The following FRY variants were observed in gnomAD, a reference collection of about 807,000 sequenced individuals.
The protein encoded by FRY is FRY microtubule binding protein.
FRY carries 128 observed loss-of-function variants against 348.4 expected under a neutral mutation model. That is an observed-to-expected ratio of 0.37 (90% CI 0.32 to 0.43). The LOEUF (loss-of-function observed/expected upper bound fraction) is 0.43. Ranked by LOEUF, FRY falls within the 20% of genes least tolerant of loss-of-function variation. FRY has a pLI of 1.00. For synonymous variants in FRY, 1,370 were observed against 1,374.7 expected (o/e 1.00, Z 0.08); for missense variants, 2,736 against 3,695.2 (o/e 0.74, Z 6.73).
intron 4 of FRY, among the ~76,000 whole-genome samples, chr13:32,121,664 G>A (rs1376551859): frequency 6.6e-6 from 1 of 152,116 alleles, no homozygotes; most frequent in African/African-American, 2.4e-5. Flanking sequence ...ATTCATTTTA[G>A]ATTCTAGATA....
In FRY at chr13:32,228,480, A is replaced by G; in HGVS notation, c.5231A>G (p.Asp1744Gly). ...YTGGFDFLREDQSSPVPDSGL... is the reference protein window; with the variant it reads ...YTGGFDFLREGQSSPVPDSGL... ...GGTGGCTTTGACTTCCTGAGAGAGGACCAGTCATCCCCGGTGCCTGACTCA... is the reference window on the plus strand; with the variant it reads ...GGTGGCTTTGACTTCCTGAGAGAGGGCCAGTCATCCCCGGTGCCTGACTCA... The change falls in exon 40 of 61, where the codon GAC (aspartate) becomes GGC (glycine). Residue 1744 changes from aspartate (D) to glycine (G), a missense_variant. Physicochemically the swap from Asp to Gly is moderately conservative, Grantham distance 94 (BLOSUM62 -1). Transcript: ENST00000542859. 1 of 1,612,420 alleles carries G rather than the reference A, an allele frequency of 6.2e-7. No homozygotes were observed. The highest frequency in any genetic ancestry group is 8.5e-7 in the Non-Finnish European group (1 of 1,179,726).
At chr13:32,214,727 A>G (rs1884884560) in intron 35 of FRY, among the ~76,000 whole-genome samples, 1 of 152,174 alleles carries the variant, frequency 6.6e-6, no homozygotes, top group African/African-American at 2.4e-5. Flanking sequence ...ATCTTGGAGG[A>G]CAGCAATTTA....
intron 7 of FRY, 32 bp from the exon 8 acceptor site, chr13:32,131,640 T>C (rs780512527): frequency 2.1e-5 from 33 of 1,566,526 alleles, no homozygotes; most frequent in Non-Finnish European, 2.9e-5. Context: ...TCCTACCCAA[T>C]ATTTGATAAA....
chr13:32,165,305 A>G (rs1364862292), intron 17 of FRY, among the ~76,000 whole-genome samples: 1 of 152,188 alleles, frequency 6.6e-6, no homozygotes, highest in East Asian at 1.9e-4. Flanking sequence ...TCCCTTTTCC[A>G]CATATGCCTG....
chr13:32,118,568 G>T lies in FRY; in HGVS notation c.464+1095G>T, dbSNP rs1325695066. Among the ~76,000 whole-genome samples, 3 of 151,902 alleles carry T rather than the reference G, an allele frequency of 2.0e-5. No individual in the cohort carries two copies. In the East Asian group the frequency reaches 5.8e-4, roughly 29 times the overall value. On this transcript the variant is annotated intron_variant, in intron 4 of 60. Transcript: ENST00000542859. ...GAGAGATTAATAACTTTTTCGTATT[G>T]AATTTTTTTTAGTGAAGAAGGAAAT...
In FRY at chr13:32,237,912, A is replaced by T. The variant is rs1566157786; in HGVS notation, c.6344A>T (p.Asp2115Val). 2.5e-6 allele frequency: 4 copies of T among 1,614,024 alleles called. No individual in the cohort carries two copies. The highest frequency in any genetic ancestry group is 3.4e-6 in the Non-Finnish European group (4 of 1,179,996). Residue 2115 changes from aspartate (D) to valine (V), a missense_variant, in exon 44 of 61, where the codon GAC (aspartate) becomes GTC (valine). Coordinates refer to ENST00000542859, the MANE Select transcript of FRY (RefSeq NM_023037.3). The surrounding 1 kb of genome is among the most constrained non-coding windows in gnomAD (Gnocchi z 6.3). ...LKGFTSLTTT[D>V]LTLQLFSLLT... is the part of the protein sequence containing the mutation. Reference sequence around the variant, plus strand: ...GGATTCACATCCCTCACCACCACAGACCTGACCCTGCAGCTCTTCAGTCTG... The same window carrying T: ...GGATTCACATCCCTCACCACCACAGTCCTGACCCTGCAGCTCTTCAGTCTG...
In FRY at chr13:32,101,976, C is replaced by A; in HGVS notation, c.284C>A (p.Thr95Lys). 1 of 1,519,974 alleles carries A rather than the reference C, an allele frequency of 6.6e-7. No homozygotes were observed. The highest frequency in any genetic ancestry group is 1.1e-5 in the South Asian group (1 of 88,934). 94.2% of individuals were successfully genotyped at this position (1,519,974 alleles called of 1,614,324 possible). A position where few individuals can be genotyped will look rare whatever the true frequency, so the allele number is the denominator to read the frequency against. ...TTTTCTTTCTAGGAAAAGCCATTGA[C>A]AAAATCTCTGCAACGTGGAGAAGAC... ...IMAEPLEKPL[T>K]KSLQRGEDPQ... Residue 95 changes from threonine (T) to lysine (K), a missense_variant, in exon 3 of 61, where the codon ACA (threonine) becomes AAA (lysine). Coordinates refer to ENST00000542859, the MANE Select transcript of FRY (RefSeq NM_023037.3).
chr13:32,277,841 G>A (rs1016700065), intron 57 of FRY, among the ~76,000 whole-genome samples: 11 of 152,182 alleles, frequency 7.2e-5, no homozygotes, highest in African/African-American at 2.7e-4. Flanking sequence ...TTTTATTCTG[G>A]TTGGTGAACT....
At chr13:32,231,328 T>C in intron 41 of FRY, 28 bp downstream of exon 41, 1 of 1,609,214 alleles carries the variant, frequency 6.2e-7, no homozygotes, top group Non-Finnish European at 8.5e-7. Flanking sequence ...CACAGATCCC[T>C]CTTTCAGCAT....
At chr13:32,294,212 C>G (rs965883927) in intron 59 of FRY, among the ~76,000 whole-genome samples, 156 bp from the exon 60 acceptor site, 9 of 152,192 alleles carry the variant, frequency 5.9e-5, no homozygotes, top group African/African-American at 2.2e-4. Context: ...ATCCCCTACA[C>G]ATACCATGGA....
intron 58 of FRY, 127 bp downstream of exon 58, chr13:32,278,675 A>G: frequency 1.3e-6 from 1 of 760,568 alleles, no homozygotes; most frequent in South Asian, 1.4e-5. Context: ...CATTTACATG[A>G]AACCAACAGA....
intron 47 of FRY, among the ~76,000 whole-genome samples, chr13:32,245,468 G>A (rs975228081): frequency 6.6e-6 from 1 of 152,006 alleles, no homozygotes; most frequent in African/African-American, 2.4e-5. Context: ...TTAAAAATCA[G>A]CAAGGTGTGG....
At chr13:32,036,474 G>T (rs1345383539) in intron 1 of FRY, among the ~76,000 whole-genome samples, 3 of 148,864 alleles carry the variant, frequency 2.0e-5, no homozygotes, top group Admixed American at 6.7e-5. Context: ...AAATCAGAGG[G>T]TTTTTTTTTT....
At chr13:32,287,837 T>C (rs1329859041) in intron 58 of FRY, 3 of 1,332,862 alleles carry the variant, frequency 2.3e-6, no homozygotes, top group Non-Finnish European at 3.0e-6. Flanking sequence ...TTTCCTTTCC[T>C]TTGTTTCCTG....
intron 2 of FRY, among the ~76,000 whole-genome samples, chr13:32,082,933 T>A (rs1566061289): frequency 6.6e-6 from 1 of 152,164 alleles, no homozygotes; most frequent in Non-Finnish European, 1.5e-5. Flanking sequence ...TTTATTTTTA[T>A]TTTCTTGTTG....
intron 44 of FRY, among the ~76,000 whole-genome samples, chr13:32,238,640 C>T (rs900906774): frequency 3.3e-5 from 5 of 151,936 alleles, no homozygotes; most frequent in African/African-American, 7.3e-5. Context: ...TTAGTAGAGA[C>T]GGGGTTTCAC....
intron 10 of FRY, 99 bp downstream of exon 10, chr13:32,135,282 G>A: frequency 1.3e-6 from 1 of 772,744 alleles, no homozygotes. Context: ...TCCACAGATA[G>A]GAAAAGTACC....
At chr13:32,182,154 A>G (rs987405593) in intron 23 of FRY, among the ~76,000 whole-genome samples, 2 of 152,354 alleles carry the variant, frequency 1.3e-5, no homozygotes, top group East Asian at 3.9e-4. Context: ...TACAGACAAA[A>G]TACCTACATA....
intron 2 of FRY, among the ~76,000 whole-genome samples, chr13:32,095,232 T>A (rs1444084201): frequency 6.6e-6 from 1 of 152,092 alleles, no homozygotes; most frequent in Non-Finnish European, 1.5e-5. Context: ...ACTCCGTGTA[T>A]ATTTTGGTTC....
Sources: allele counts gnomAD v4.1 joint callset (sites outside exome capture counted in the v4.1 genomes callset), GRCh38; gene constraint gnomAD v4.1.1; non-coding constraint Gnocchi (gnomAD v3.1); transcripts MANE v1.5; gene names NCBI Gene and HGNC (gene_info 2026-07-23, HGNC 2026-07-21).